OSBPL5: variants seen among roughly 807,000 people sequenced by gnomAD.
OSBPL5 encodes the protein oxysterol-binding protein-related protein 5.
In OSBPL5, 71 loss-of-function variants were observed where a neutral mutation model predicts 111.2. The ratio of observed to expected loss-of-function variants is 0.64; its 90% CI spans 0.53 to 0.78. The LOEUF is 0.78. Among genes scored for constraint, OSBPL5 ranks in the 30% least tolerant of loss-of-function variants. OSBPL5 has a pLI of 0.00. For missense variants in OSBPL5, 1,210 were observed against 1,189.3 expected (o/e 1.02, Z -0.26); for synonymous variants, 549 against 513.9 (o/e 1.07, Z -0.93).
In OSBPL5 at chr11:3,130,091, C is replaced by T. The variant is rs988477612; in HGVS notation, c.-21-922G>A. 3.9e-5 allele frequency among the ~76,000 whole-genome samples: 6 copies of T among 152,252 alleles called. No homozygotes were observed. The highest frequency in any genetic ancestry group is 5.9e-5 in the Non-Finnish European group (4 of 68,050). On this transcript the variant is annotated intron_variant, in intron 1 of 21. Coordinates refer to ENST00000263650, the MANE Select transcript of OSBPL5 (RefSeq NM_020896.4). The surrounding 1 kb of genome is among the most constrained non-coding windows in gnomAD (Gnocchi z 4.5). ...AGCAGAGGGTAACTGATTGCAGTCA[C>T]GCCTTTGCAGGCACTTGAAGTTGAC...
chr11:3,102,096 C>T, intron 12 of OSBPL5, 87 bp downstream of exon 12: 1 of 1,400,980 alleles, frequency 7.1e-7, no homozygotes, highest in Non-Finnish European at 9.8e-7. Flanking sequence ...TCACGCTTGC[C>T]CCTGCCTGCT....
In OSBPL5 at chr11:3,121,301, A is replaced by G. The variant is rs928400556; in HGVS notation, c.403-677T>C. On this transcript the variant is annotated intron_variant, in intron 5 of 21. Coordinates refer to ENST00000263650, the MANE Select transcript of OSBPL5 (RefSeq NM_020896.4). The surrounding 1 kb of genome is among the most constrained non-coding windows in gnomAD (Gnocchi z 4.3). ...TCAAACTCCTGACCTCAGGTGATCC[A>G]CCCGCCTTAGCCTCCCAAAGTGTTG... Among the ~76,000 whole-genome samples, 2 of 151,702 alleles carry G rather than the reference A, an allele frequency of 1.3e-5. No homozygotes were observed. Among genetic ancestry groups the G allele is most frequent in the African/African-American group, 2.4e-5 (1 of 41,286 alleles).
chr11:3,107,141 G>T lies in OSBPL5; in HGVS notation c.1059+122C>A. ...CCTGGACTCACTGCCAAGTGATGGGGACAAAAGCTACCCCCTGGGCCCTGC... is the reference window on the plus strand; with the variant it reads ...CCTGGACTCACTGCCAAGTGATGGGTACAAAAGCTACCCCCTGGGCCCTGC... On this transcript the variant is annotated intron_variant, in intron 9 of 21. Transcript: ENST00000263650. The surrounding 1 kb of genome is among the most constrained non-coding windows in gnomAD (Gnocchi z 6.1). 1 of 1,085,028 alleles carries T rather than the reference G, an allele frequency of 9.2e-7. No individual in the cohort carries two copies. Among genetic ancestry groups the T allele is most frequent in the Non-Finnish European group, 1.3e-6 (1 of 769,968 alleles). 67.2% of individuals were successfully genotyped at this position (1,085,028 alleles called of 1,614,324 possible).
intron 1 of OSBPL5, among the ~76,000 whole-genome samples, chr11:3,145,653 G>A (rs11025599): frequency 0.14 from 21,395 of 152,182 alleles, 1,543 homozygotes; most frequent in East Asian, 0.19. Flanking sequence ...CTGCTTCCTG[G>A]AGGACATTCA....
intron 2 of OSBPL5, among the ~76,000 whole-genome samples, chr11:3,127,247 A>T (rs1256118277): frequency 1.3e-5 from 2 of 152,054 alleles, no homozygotes; most frequent in African/African-American, 4.8e-5. Context: ...CTGGTGGGCG[A>T]GGGTTGACTG....
At chr11:3,108,046 G>T in intron 7 of OSBPL5, 101 bp from the exon 8 acceptor site, 1 of 1,457,322 alleles carries the variant, frequency 6.9e-7, no homozygotes, top group Non-Finnish European at 9.2e-7. Context: ...GACTCTTCAG[G>T]GACCCACCCC....
In OSBPL5 at chr11:3,120,512, T is replaced by C. The variant is rs1858367596; in HGVS notation, c.515A>G (p.His172Arg). 1 of 1,613,238 alleles carries C rather than the reference T, an allele frequency of 6.2e-7. No homozygotes were observed. Among genetic ancestry groups the C allele is most frequent in the South Asian group, 1.1e-5 (1 of 91,090 alleles). The change falls in exon 6 of 22, where the codon CAC (histidine) becomes CGC (arginine). Residue 172 changes from histidine to arginine, a missense_variant. By Grantham distance (29) the His-to-Arg change is conservative. Coordinates refer to ENST00000263650, the MANE Select transcript of OSBPL5 (RefSeq NM_020896.4). ...VGQWVGTVLL[H>R]CCELIERPSK... Reference sequence around the variant, plus strand: ...GGGCCGCTCGATGAGCTCGCAGCAGTGCAGCAGCACCGTGCCCACCCACTG... The same window carrying C: ...GGGCCGCTCGATGAGCTCGCAGCAGCGCAGCAGCACCGTGCCCACCCACTG...
intron 10 of OSBPL5, among the ~76,000 whole-genome samples, chr11:3,103,689 C>T (rs1438018126): frequency 1.3e-5 from 2 of 149,010 alleles, no homozygotes; most frequent in Non-Finnish European, 3.0e-5. Flanking sequence ...TCTCTGCAGC[C>T]CCCTTCCAGC....
intron 7 of OSBPL5, among the ~76,000 whole-genome samples, chr11:3,117,957 G>C (rs1564841009): frequency 6.6e-6 from 1 of 152,174 alleles, no homozygotes; most frequent in Non-Finnish European, 1.5e-5. Context: ...TCTTTTGTTT[G>C]TTGTTGTTTT....
chr11:3,152,598 T>C (rs1846624692), intron 1 of OSBPL5, among the ~76,000 whole-genome samples: 1 of 152,278 alleles, frequency 6.6e-6, no homozygotes, highest in East Asian at 1.9e-4. Context: ...GGGAGCGGCC[T>C]GCGAGGCGCG....
At chr11:3,134,662 T>C (rs1437853432) in intron 1 of OSBPL5, among the ~76,000 whole-genome samples, 1 of 152,108 alleles carries the variant, frequency 6.6e-6, no homozygotes, top group Non-Finnish European at 1.5e-5. Flanking sequence ...TGGGTTGGGG[T>C]GGAGACCCGC....
rs150064967 is a variant in OSBPL5 at position 3,100,198 on chromosome 11, G to A, written c.1581C>T (p.Ala527=). 24 of 1,613,966 alleles carry A rather than the reference G, an allele frequency of 1.5e-5. No homozygotes were observed. The highest frequency in any genetic ancestry group is 4.0e-5 in the African/African-American group (3 of 74,888). The change falls in exon 14 of 22, where the codon GCC becomes GCT. Residue 527 remains alanine (A), a synonymous_variant. Coordinates refer to ENST00000263650, the MANE Select transcript of OSBPL5 (RefSeq NM_020896.4). ...GKATLTFLNR[A]EDYTLTMPYA... ...AGGGCATGGTAAGGGTGTAATCCTCGGCTCGGTTCAGGAAGGTGAGCGTGG... is the reference window on the plus strand; with the variant it reads ...AGGGCATGGTAAGGGTGTAATCCTCAGCTCGGTTCAGGAAGGTGAGCGTGG...
rs759297870 is a variant in OSBPL5 at position 3,119,541 on chromosome 11, A to C, written c.691+6T>G. 8 of 1,570,726 alleles carry C rather than the reference A, an allele frequency of 5.1e-6. No individual in the cohort carries two copies. The highest frequency in any genetic ancestry group is 6.9e-6 in the Non-Finnish European group (8 of 1,163,426). On this transcript the variant is annotated splice_donor_region_variant and intron_variant, in intron 7 of 21. Coordinates refer to ENST00000263650, the MANE Select transcript of OSBPL5 (RefSeq NM_020896.4). ...TGGGGAGATGCGCAAGCTGGCAGGG[A>C]CTCACCATCTGACTCGGAGGCGGCC...
chr11:3,126,459 A>G lies in OSBPL5; in HGVS notation c.219+14T>C. 6.2e-7 allele frequency: 1 copy of G among 1,604,482 alleles called. No individual in the cohort carries two copies. The highest frequency in any genetic ancestry group is 1.1e-5 in the South Asian group (1 of 89,918). On this transcript the variant is annotated intron_variant, in intron 3 of 21. Transcript: ENST00000263650. This position sits in a 1 kb window ranked among gnomAD's most constrained non-coding sequence, Gnocchi z 6.5. Reference sequence around the variant, plus strand: ...GGCTCTGGCTCATGGATCCTCCTATACCCAGGCTCTTACCGGTGGCACCTT... The same window carrying G: ...GGCTCTGGCTCATGGATCCTCCTATGCCCAGGCTCTTACCGGTGGCACCTT...
chr11:3,096,153 G>C (rs559809902), intron 14 of OSBPL5, among the ~76,000 whole-genome samples: 1 of 152,214 alleles, frequency 6.6e-6, no homozygotes, highest in Non-Finnish European at 1.5e-5. Flanking sequence ...ATCCATGCAC[G>C]GAGCATGGCC....
chr11:3,127,330 G>C (rs945011487), intron 2 of OSBPL5, among the ~76,000 whole-genome samples: 1 of 152,230 alleles, frequency 6.6e-6, no homozygotes. Flanking sequence ...GGCCACAGGC[G>C]ACAGGCCAGC....
chr11:3,105,248 G>A lies in OSBPL5; in HGVS notation c.1060-871C>T, dbSNP rs142262229. On this transcript the variant is annotated intron_variant, in intron 9 of 21. Transcript: ENST00000263650. The surrounding 1 kb of genome is among the most constrained non-coding windows in gnomAD (Gnocchi z 5.2). Reference sequence around the variant, plus strand: ...TTTAGCCCAACGGCAGCTGCCCCAGGGAGCGGGCAAGATGGAGTGTGGCCT... The same window carrying A: ...TTTAGCCCAACGGCAGCTGCCCCAGAGAGCGGGCAAGATGGAGTGTGGCCT... 4.6e-5 allele frequency among the ~76,000 whole-genome samples: 7 copies of A among 152,340 alleles called. No homozygotes were observed. Among genetic ancestry groups the A allele is most frequent in the Non-Finnish European group, 7.3e-5 (5 of 68,030 alleles).
In OSBPL5 at chr11:3,153,098, G is replaced by A. The variant is rs371105294; in HGVS notation, c.-22+12118C>T. Among the ~76,000 whole-genome samples, 112 of 152,088 alleles carry A rather than the reference G, an allele frequency of 7.4e-4. 2 individuals are homozygous for A. In the South Asian group the frequency reaches 0.022, roughly 31 times the overall value. On this transcript the variant is annotated intron_variant, in intron 1 of 21. Transcript: ENST00000263650. ...CATCCCCCAGGCGCCAGGGGGTCCC[G>A]GCTACGAGGTGAGCTGCTTCCAATC...
intron 1 of OSBPL5, among the ~76,000 whole-genome samples, chr11:3,143,929 T>TC (rs1365137670): frequency 6.6e-6 from 1 of 152,182 alleles, no homozygotes; most frequent in Non-Finnish European, 1.5e-5. Flanking sequence ...GCTCTTGGGA[T>TC]CATCCTGTGT....
Sources: allele counts gnomAD v4.1 joint callset (sites outside exome capture counted in the v4.1 genomes callset), GRCh38; gene constraint gnomAD v4.1.1; non-coding constraint Gnocchi (gnomAD v3.1); transcripts MANE v1.5; gene names NCBI Gene and HGNC (gene_info 2026-07-23, HGNC 2026-07-21).